LSM5: variants seen among roughly 807,000 people sequenced by gnomAD.
LSM5 encodes the protein U6 snRNA-associated Sm-like protein LSm5.
A neutral mutation model predicts 13.8 loss-of-function variants in LSM5; 8 were observed. The observed-to-expected ratio is 0.58, with a 90% confidence interval of 0.34 to 1.04. The LOEUF (loss-of-function observed/expected upper bound fraction) is 1.04. Among genes scored for constraint, LSM5 ranks in the 50% least tolerant of loss-of-function variants. The pLI is 0.03. For missense variants in LSM5, 80 were observed against 108.1 expected (o/e 0.74, Z 1.15); for synonymous variants, 35 against 37.0 (o/e 0.95, Z 0.20).
At chr7:32,489,832 G>T (rs7778500) in intron 1 of LSM5, among the ~76,000 whole-genome samples, 2,254 of 152,212 alleles carry the variant, frequency 0.015, 59 homozygotes, top group African/African-American at 0.05. Flanking sequence ...AAATGCCCAG[G>T]CACGGTATCT....
chr7:32,489,553 A>C, intron 1 of LSM5: 1 of 502,644 alleles, frequency 2.0e-6, no homozygotes, highest in East Asian at 3.8e-5. Context: ...AAGGAATGAA[A>C]ACTTTTCAAT....
At chr7:32,487,878 T>C in intron 3 of LSM5, 121 bp from the exon 4 acceptor site, 1 of 612,676 alleles carries the variant, frequency 1.6e-6, no homozygotes, top group Non-Finnish European at 2.9e-6. Flanking sequence ...GGTTGAGCAA[T>C]TATATCCACA....
At chr7:32,493,749 C>A (rs925256678), upstream of LSM5, among the ~76,000 whole-genome samples, 1 of 152,004 alleles carries the variant, frequency 6.6e-6, no homozygotes, top group African/African-American at 2.4e-5. Context: ...CCATGTTGCC[C>A]AGGCTGGTCT....
chr7:32,494,087 G>A (rs1786666292), upstream of LSM5, among the ~76,000 whole-genome samples: 1 of 152,056 alleles, frequency 6.6e-6, no homozygotes, highest in South Asian at 2.1e-4. Context: ...TGCCTGCCTT[G>A]GCCTCCCAAA....
rs369664416 is a variant in LSM5 at position 32,489,248 on chromosome 7, C to G, written c.142+1G>C. ...ACCACCACCACCTTTTAAAAGGATA[C>G]TGACAAAGTCATCAAATCCTAGAAG... On this transcript the variant is annotated splice_donor_variant, in intron 2 of 4. Coordinates refer to ENST00000450169, the MANE Select transcript of LSM5 (RefSeq NM_012322.3). LOFTEE classifies it high-confidence loss of function. The G allele has an allele frequency of 2.1e-5, 33 of 1,540,870 alleles. No homozygotes were observed. The highest frequency in any genetic ancestry group is 2.8e-5 in the Non-Finnish European group (31 of 1,117,360).
chr7:32,485,856 C>G lies in LSM5; in HGVS notation c.*1405G>C, dbSNP rs760839313. The G allele has an allele frequency of 3.3e-5, 5 of 149,616 alleles. No individual in the cohort carries two copies. Among genetic ancestry groups the G allele is most frequent in the Admixed American group, 6.7e-5 (1 of 14,878 alleles). The allele number at this position is 149,616 out of a possible 1,614,324, so 9.3% of individuals were successfully genotyped here. ...TCACTTGAACCTGGGAGGCGGAGGT[C>G]GCGTTGATATCGCGACAAGGCACAC... On this transcript the variant is annotated 3_prime_UTR_variant, in exon 5 of 5. Transcript: ENST00000450169.
upstream of LSM5, among the ~76,000 whole-genome samples, chr7:32,493,528 T>TTC (rs1163846503): frequency 8.3e-6 from 1 of 119,942 alleles, no homozygotes; most frequent in African/African-American, 2.7e-5. Flanking sequence ...AACTTTTTCT[T>TTC]TCTCTCTCTC....
upstream of LSM5, chr7:32,490,534 G>A (rs781136184): frequency 4.8e-6 from 3 of 624,400 alleles, no homozygotes; most frequent in African/African-American, 3.7e-5. Context: ...AGTGAGATCC[G>A]GTGAAATATT....
rs906520717 is a variant in LSM5, at chr7:32,485,534, T to C, written c.*1727A>G. ...CTAACAGAAACCCATCAAGAATTCT[T>C]ACAAATTAGTAAGAAAAAGACAAAC... On this transcript the variant is annotated 3_prime_UTR_variant, in exon 5 of 5. Transcript: ENST00000450169. The C allele has an allele frequency of 1.3e-5, 2 of 152,138 alleles. No individual in the cohort carries two copies. The highest frequency in any genetic ancestry group is 2.4e-5 in the African/African-American group (1 of 41,408). The allele number at this position is 152,138 out of a possible 1,614,324, so 9.4% of individuals were successfully genotyped here.
chr7:32,488,955 G>A (rs1229575369), intron 2 of LSM5, among the ~76,000 whole-genome samples: 1 of 151,934 alleles, frequency 6.6e-6, no homozygotes, highest in Non-Finnish European at 1.5e-5. Flanking sequence ...AAACTCCTGG[G>A]CTCAAGCGAT....
intron 1 of LSM5, chr7:32,489,624 G>A (rs1478067140): frequency 2.2e-5 from 8 of 357,690 alleles, no homozygotes; most frequent in South Asian, 1.1e-4. Context: ...AGAGGAGATA[G>A]GTATAATTAT....
upstream of LSM5, chr7:32,494,964 T>C (rs2128107108): frequency 6.6e-6 from 1 of 152,226 alleles, no homozygotes; most frequent in East Asian, 1.9e-4. Context: ...GCAAGTAATT[T>C]AAAGGCTGAA....
At chr7:32,488,190 A>G (rs1010115005) in intron 3 of LSM5, 11 of 200,910 alleles carry the variant, frequency 5.5e-5, no homozygotes, top group Middle Eastern at 2.0e-3. Context: ...GCTGCCCCCT[A>G]CTATAACCAG....
At chr7:32,489,150 TG>T (rs1295112007) in intron 2 of LSM5, 98 bp downstream of exon 2, 1 of 642,324 alleles carries the variant, frequency 1.6e-6, no homozygotes, top group East Asian at 2.9e-5. Context: ...GAGAATGAAC[TG>T]ATTTTTATTA....
At chr7:32,489,555 C>T (rs1786524626) in intron 1 of LSM5, 1 of 498,404 alleles carries the variant, frequency 2.0e-6, no homozygotes, top group Non-Finnish European at 3.5e-6. Context: ...GGAATGAAAA[C>T]TTTTCAATCA....
chr7:32,493,922 G>T (rs1013754879), upstream of LSM5, among the ~76,000 whole-genome samples: 3 of 150,606 alleles, frequency 2.0e-5, no homozygotes, highest in Admixed American at 1.3e-4. Context: ...TGCAATCTTG[G>T]CTCACTGCAA....
At chr7:32,490,422 C>T, upstream of LSM5, 1 of 1,476,666 alleles carries the variant, frequency 6.8e-7, no homozygotes, top group Non-Finnish European at 9.5e-7. Flanking sequence ...GAAAAGCGCG[C>T]TTCCGCTTTT....
At position 32,485,523 on chromosome 7, in the gene LSM5, T is replaced by TTTG. The variant is rs1786417268; in HGVS notation, c.*1737_*1738insCAA. 6.6e-6 allele frequency: 1 copy of TTTG among 152,052 alleles called. No homozygotes were observed. Among genetic ancestry groups the TTTG allele is most frequent in the Non-Finnish European group, 1.5e-5 (1 of 68,010 alleles). The allele number at this position is 152,052 out of a possible 1,614,324, so 9.4% of individuals were successfully genotyped here. A position where few individuals can be genotyped will look rare whatever the true frequency, so the allele number is the denominator to read the frequency against. The stretch of plus-strand genomic sequence containing the variant: ...AAAATACATGACTAACAGAAACCCA[T>TTTG]CAAGAATTCTTACAAATTAGTAAGA... On this transcript the variant is annotated 3_prime_UTR_variant, in exon 5 of 5. Coordinates refer to ENST00000450169, the MANE Select transcript of LSM5 (RefSeq NM_012322.3).
chr7:32,490,381 G>C (rs574361496), upstream of LSM5: 726 of 1,605,504 alleles, frequency 4.5e-4, 13 homozygotes, highest in South Asian at 7.5e-3. Context: ...CGCCGGAAGT[G>C]GCCTGCCTTC....
Sources: allele counts gnomAD v4.1 joint callset (sites outside exome capture counted in the v4.1 genomes callset), GRCh38; gene constraint gnomAD v4.1.1; transcripts MANE v1.5; gene names NCBI Gene and HGNC (gene_info 2026-07-23, HGNC 2026-07-21).